The following SPATA22 variants were observed in gnomAD, a reference collection of about 807,000 sequenced individuals.
The protein encoded by SPATA22 is spermatogenesis-associated protein 22.
A neutral mutation model predicts 47.8 loss-of-function variants in SPATA22; 29 were observed. The observed-to-expected ratio is 0.61, with a 90% CI of 0.45 to 0.83. SPATA22 has a LOEUF of 0.83. Ranked by LOEUF, SPATA22 falls within the 40% of genes least tolerant of loss-of-function variation. SPATA22 has a pLI of 0.00. For synonymous variants in SPATA22, 133 were observed against 140.9 expected, an observed-to-expected ratio of 0.94 and a Z score of 0.40; for missense variants, 410 against 421.7, an observed-to-expected ratio of 0.97 and a Z score of 0.24.
At chr17:3,497,246 G>C (rs1478577861) in intron 1 of SPATA22, among the ~76,000 whole-genome samples, 1 of 152,128 alleles carries the variant, frequency 6.6e-6, no homozygotes, top group South Asian at 2.1e-4. Flanking sequence ...GTGTTGAAGA[G>C]GTTCCTTTAG....
intron 1 of SPATA22, among the ~76,000 whole-genome samples, chr17:3,482,732 G>C (rs957198764): frequency 2.6e-5 from 4 of 151,440 alleles, no homozygotes; most frequent in Non-Finnish European, 5.9e-5. Flanking sequence ...CAGTAACTGG[G>C]TAGTGGTCCT....
At position 3,498,961 on chromosome 17, in the gene SPATA22, T is replaced by C; in HGVS notation, c.-74+14451A>G. On this transcript the variant is annotated intron_variant, in intron 1 of 8. Coordinates refer to the SPATA22 transcript ENST00000541913. ...ACTCTTGATGGGAAGACGATCCCACTGGGCGGAGACTGTACCGTGTACCCC... is the reference window on the plus strand; with the variant it reads ...ACTCTTGATGGGAAGACGATCCCACCGGGCGGAGACTGTACCGTGTACCCC... The C allele has an allele frequency of 1.2e-6, 2 of 1,613,332 alleles. No homozygotes were observed. Among genetic ancestry groups the C allele is most frequent in the Non-Finnish European group, 1.7e-6 (2 of 1,179,568 alleles).
chr17:3,502,155 C>T (rs2073998481), intron 1 of SPATA22: 6 of 152,230 alleles, frequency 3.9e-5, no homozygotes, highest in Admixed American at 3.9e-4. Flanking sequence ...AGGCAAGGCC[C>T]TCCACCAGCA....
At chr17:3,486,018 C>A (rs1217344201) in intron 1 of SPATA22, among the ~76,000 whole-genome samples, 1 of 151,558 alleles carries the variant, frequency 6.6e-6, no homozygotes, top group South Asian at 2.1e-4. Flanking sequence ...CTGCAACCTC[C>A]GCCTCCTGGG....
At chr17:3,459,735 T>C (rs954445663) in intron 5 of SPATA22, among the ~76,000 whole-genome samples, 2 of 152,068 alleles carry the variant, frequency 1.3e-5, no homozygotes, top group African/African-American at 4.8e-5. Context: ...AAGATAACAA[T>C]AGAAATACAA....
chr17:3,503,411 T>C (rs1190791463), intron 1 of SPATA22: 1 of 152,184 alleles, frequency 6.6e-6, no homozygotes, highest in Non-Finnish European at 1.5e-5. Context: ...CTGAATTCTG[T>C]AGTAAAAATG....
chr17:3,467,731 T>C (rs1463409463), intron 2 of SPATA22, among the ~76,000 whole-genome samples, 177 bp from the exon 3 acceptor site: 1 of 152,232 alleles, frequency 6.6e-6, no homozygotes, highest in Non-Finnish European at 1.5e-5. Flanking sequence ...CTGAATAGCC[T>C]AATTTGTTTC....
In SPATA22 at chr17:3,462,406, A is replaced by AG. The variant is rs1332243155; in HGVS notation, c.329+76dup. 141 of 959,794 alleles carry AG rather than the reference A, an allele frequency of 1.5e-4. 1 individual carries two copies. The Admixed American group carries it at 3.5e-3, about 24-fold the overall frequency. 59.5% of individuals were successfully genotyped at this position (959,794 alleles called of 1,614,324 possible). A position where few individuals can be genotyped will look rare whatever the true frequency, so the allele number is the denominator to read the frequency against. ...TTCTGTCTGAGAAACAACGAAGTGA[A>AG]GGAGGAGGGAAGAATGAAGAGGAAG... is the stretch of plus-strand genomic sequence containing the variant. On this transcript the variant is annotated intron_variant, in intron 5 of 8. Transcript: ENST00000572969.
At chr17:3,450,715 A>AT (rs1291625232) in intron 5 of SPATA22, among the ~76,000 whole-genome samples, 5 of 152,060 alleles carry the variant, frequency 3.3e-5, no homozygotes, top group African/African-American at 1.2e-4. Flanking sequence ...TACTTTTATT[A>AT]TTCATAGTCT....
At chr17:3,445,390 A>C (rs562248017) in intron 7 of SPATA22, among the ~76,000 whole-genome samples, 96 of 152,262 alleles carry the variant, frequency 6.3e-4, no homozygotes, top group African/African-American at 2.2e-3. Context: ...TTGATAAAGA[A>C]TCCCTGAAGT....
chr17:3,483,701 C>T, intron 1 of SPATA22: 2 of 1,114,822 alleles, frequency 1.8e-6, no homozygotes, highest in South Asian at 2.6e-5. Context: ...CTTGCTCTGT[C>T]ACCCAGGCTG....
At chr17:3,498,521 G>T (rs1027829914) in intron 1 of SPATA22, among the ~76,000 whole-genome samples, 1 of 151,742 alleles carries the variant, frequency 6.6e-6, no homozygotes, top group African/African-American at 2.4e-5. Flanking sequence ...CTAATTTTTC[G>T]TATTTTTTCT....
intron 1 of SPATA22, among the ~76,000 whole-genome samples, chr17:3,504,746 A>G (rs1268729751): frequency 4.0e-5 from 6 of 151,894 alleles, no homozygotes; most frequent in African/African-American, 1.2e-4. Context: ...TTTAGTAGAG[A>G]CGGGGTTTCT....
intron 7 of SPATA22, 123 bp downstream of exon 7, chr17:3,446,349 T>C: frequency 1.1e-6 from 1 of 898,972 alleles, no homozygotes; most frequent in Non-Finnish European, 1.6e-6. Flanking sequence ...ACCAGTTCTT[T>C]GAATACACTT....
chr17:3,483,543 T>A (rs2073670155), intron 1 of SPATA22: 1 of 1,614,206 alleles, frequency 6.2e-7, no homozygotes, highest in Non-Finnish European at 8.5e-7. Context: ...TGATTGAGCA[T>A]CCTTCCCTCA....
At chr17:3,467,981 G>T (rs530926639) in intron 2 of SPATA22, among the ~76,000 whole-genome samples, 79 of 152,274 alleles carry the variant, frequency 5.2e-4, no homozygotes, top group African/African-American at 1.6e-3. Context: ...TTGGGCCTTG[G>T]TTCTCAAAGT....
At chr17:3,445,992 G>A (rs1177577711) in intron 7 of SPATA22, among the ~76,000 whole-genome samples, 1 of 152,068 alleles carries the variant, frequency 6.6e-6, no homozygotes, top group Non-Finnish European at 1.5e-5. Flanking sequence ...AGGCTCTAGA[G>A]TAAAATCTAT....
rs1567602783 is a variant in SPATA22, at chr17:3,465,061, GGA to G, written c.173-2296_173-2295del. On this transcript the variant is annotated intron_variant, in intron 3 of 8. Coordinates refer to ENST00000572969, the MANE Select transcript of SPATA22 (RefSeq NM_001170698.2). Reference sequence around the variant, plus strand: ...CCCGGCCAGCCGCCCCGTCCGGGAGGGAGGTGGGGGGTCAGCCCCTCCACCCG... The same window carrying G: ...CCCGGCCAGCCGCCCCGTCCGGGAGGGGTGGGGGGTCAGCCCCTCCACCCG... Among the ~76,000 whole-genome samples the G allele has an allele frequency of 5.9e-3, 733 of 124,164 alleles. 1 individual carries two copies. The highest frequency in any genetic ancestry group is 0.014 in the Middle Eastern group (2 of 146). The allele number at this position is 124,164 out of a possible 152,430, so 81.5% of individuals were successfully genotyped here. A position where few individuals can be genotyped will look rare whatever the true frequency, so the allele number is the denominator to read the frequency against.
chr17:3,513,840 A>C (rs1297982687), exon 1 of SPATA22: 1 of 1,280,128 alleles, frequency 7.8e-7, no homozygotes, highest in East Asian at 2.3e-5. Context: ...CATCCCTCAA[A>C]GCCTCTCTGC....
Sources: allele counts gnomAD v4.1 joint callset (sites outside exome capture counted in the v4.1 genomes callset), GRCh38; gene constraint gnomAD v4.1.1; transcripts MANE v1.5; gene names NCBI Gene and HGNC (gene_info 2026-07-23, HGNC 2026-07-21).